Variants in C17orf58 observed in about 807,000 individuals in gnomAD.
C17orf58 encodes chromosome 17 open reading frame 58, also known as UPF0450 protein C17orf58.
In C17orf58, 5 loss-of-function variants were observed where a neutral mutation model predicts 7.4. The ratio of observed to expected loss-of-function variants is 0.67; its 90% confidence interval spans 0.35 to 1.42. The LOEUF is 1.42. C17orf58 is among the 40% of genes most tolerant of loss of function. C17orf58 has a pLI of 0.04. For synonymous variants in C17orf58, 60 were observed against 70.6 expected (o/e 0.85, Z 0.75); for missense variants, 162 against 174.2 (o/e 0.93, Z 0.40).
At chr17:67,996,097 A>G in intron 1 of C17orf58, 26 bp downstream of exon 1, 1 of 376,520 alleles carries the variant, frequency 2.7e-6, no homozygotes, top group South Asian at 1.3e-4. Context: ...CTCCGCTCCC[A>G]GGGCCCCGCA....
Position 67,993,080 on chromosome 17 carries a change from A to G in C17orf58, c.793T>C (p.Ser265Pro). ...TCTGGACACGGCTTATTGCAGCTGG[A>G]GGAGTCCAGGGCTAACATGTGGACT... ...FRVHMLALDS[S>P]SCNKPCPEFK... Residue 265 changes from serine to proline, a missense_variant, in exon 3 of 4, where the codon TCC becomes CCC. By Grantham distance (74) the Ser-to-Pro change is moderately conservative. This residue lies in a region of C17orf58 where 93 missense variants were observed against 90.4 expected (regional missense o/e 1.03). Coordinates refer to ENST00000580729, the MANE Select transcript of C17orf58 (RefSeq NM_001382359.1). The surrounding 1 kb of genome is among the most constrained non-coding windows in gnomAD (Gnocchi z 5.1). The G allele has an allele frequency of 6.2e-7, 1 of 1,614,128 alleles. No homozygotes were observed. The highest frequency in any genetic ancestry group is 8.5e-7 in the Non-Finnish European group (1 of 1,180,012).
rs552213460 is a variant in C17orf58, at chr17:67,992,888, G to A, written c.829+156C>T. On this transcript the variant is annotated intron_variant, in intron 3 of 3. Transcript: ENST00000580729. ...CTGACAGGGCTTAAATCACAGAGTG[G>A]CCGGAATAATACCTGTCGTCTAAAT... The A allele has an allele frequency of 4.3e-5, 69 of 1,611,922 alleles. No individual in the cohort carries two copies. In the South Asian group the frequency reaches 5.5e-4, roughly 13 times the overall value.
At chr17:67,994,487 CGTGTGCGTGT>C (rs1289287248) in intron 1 of C17orf58, among the ~76,000 whole-genome samples, 5 of 42,702 alleles carry the variant, frequency 1.2e-4, no homozygotes, top group African/African-American at 3.2e-4. Context: ...TGTATGTGTG[CGTGTGCGTGT>C]GTGTGTGTGT....
At chr17:67,992,440 T>C (rs2070842304) in intron 3 of C17orf58, among the ~76,000 whole-genome samples, 1 of 151,878 alleles carries the variant, frequency 6.6e-6, no homozygotes, top group Non-Finnish European at 1.5e-5. Context: ...TGGTGGCGCA[T>C]GCCTGTAACC....
Position 67,991,860 on chromosome 17 carries a change from C to G in C17orf58, c.*53G>C. 1 of 1,486,648 alleles carries G rather than the reference C, an allele frequency of 6.7e-7. No homozygotes were observed. Among genetic ancestry groups the G allele is most frequent in the Non-Finnish European group, 9.1e-7 (1 of 1,095,282 alleles). The allele number at this position is 1,486,648 out of a possible 1,614,324, so 92.1% of individuals were successfully genotyped here. Reference sequence around the variant, plus strand: ...TTACATGAAGGTAGACCTTTCATGTCTTGTTGCCGACGTCCAAGTCTCTTG... The same window carrying G: ...TTACATGAAGGTAGACCTTTCATGTGTTGTTGCCGACGTCCAAGTCTCTTG... On this transcript the variant is annotated 3_prime_UTR_variant, in exon 4 of 4. Coordinates refer to ENST00000580729, the MANE Select transcript of C17orf58 (RefSeq NM_001382359.1).
In C17orf58 at chr17:67,993,164, G is replaced by A. The variant is rs368917203; in HGVS notation, c.709C>T (p.Arg237Trp). The A allele has an allele frequency of 1.9e-6, 3 of 1,613,216 alleles. No individual in the cohort carries two copies. Among genetic ancestry groups the A allele is most frequent in the African/African-American group, 2.7e-5 (2 of 74,906 alleles). The change falls in exon 3 of 4, where the codon CGG becomes TGG. Residue 237 changes from arginine (R) to tryptophan (W), a missense_variant. Coordinates refer to ENST00000580729, the MANE Select transcript of C17orf58 (RefSeq NM_001382359.1). This position sits in a 1 kb window ranked among gnomAD's most constrained non-coding sequence, Gnocchi z 5.1. ...CGGTTCATCTTGTACAGCCCGTCCC[G>A]ATCCACCAGCAGGGTCACCAGCCGG... ...GIRLVTLLVD[R>W]DGLYKMNRLY...
intron 3 of C17orf58, chr17:67,992,752 T>A: frequency 9.2e-7 from 1 of 1,082,804 alleles, no homozygotes; most frequent in Non-Finnish European, 1.3e-6. Flanking sequence ...CTCGGTTCTG[T>A]ACAGTCCCTT....
rs563790499 is a variant in C17orf58, at chr17:67,991,372, G to C, written c.*541C>G. The C allele has an allele frequency of 8.0e-5, 10 of 124,332 alleles. No individual in the cohort carries two copies. Among genetic ancestry groups the C allele is most frequent in the African/African-American group, 2.6e-4 (10 of 38,452 alleles). 7.7% of individuals were successfully genotyped at this position (124,332 alleles called of 1,614,324 possible). ...CACCCATCTGCACACTGGCCCTTTA[G>C]TACTCTTTAAGTATAAAACTTTAAT... On this transcript the variant is annotated 3_prime_UTR_variant, in exon 4 of 4. Coordinates refer to ENST00000580729, the MANE Select transcript of C17orf58 (RefSeq NM_001382359.1).
In C17orf58 at chr17:67,993,794, G is replaced by C. The variant is rs2070865231; in HGVS notation, c.267C>G (p.Ser89Arg). The part of the protein sequence containing the change: ...KPPPPADNQA[S>R]FREAARAPAG... ...CGGGCGCGCGTGCGGCCTCCCGGAA[G>C]CTGGCCTGGTTGTCGGCCGGCGGTG... The change falls in exon 2 of 4, where the codon AGC (serine) becomes AGG (arginine). Residue 89 changes from serine (S) to arginine (R), a missense_variant. Ser to Arg is a moderately radical substitution (Grantham distance 110). Coordinates refer to ENST00000580729, the MANE Select transcript of C17orf58 (RefSeq NM_001382359.1). The surrounding 1 kb of genome is among the most constrained non-coding windows in gnomAD (Gnocchi z 5.1). 8.5e-6 allele frequency: 2 copies of C among 234,548 alleles called. No homozygotes were observed. 14.5% of individuals were successfully genotyped at this position (234,548 alleles called of 1,614,324 possible).
chr17:67,994,510 G>GTA (rs1291189426), intron 1 of C17orf58, among the ~76,000 whole-genome samples: 16 of 71,514 alleles, frequency 2.2e-4, no homozygotes, highest in African/African-American at 3.3e-4. Flanking sequence ...GTGTGTGTGT[G>GTA]TGTGTGTATA....
chr17:67,995,374 A>T (rs1382196955), intron 1 of C17orf58, among the ~76,000 whole-genome samples: 3 of 152,178 alleles, frequency 2.0e-5, no homozygotes, highest in African/African-American at 7.2e-5. Context: ...CATGGGAAAG[A>T]TTGTCTGATA....
chr17:67,993,044 C>G lies in C17orf58; in HGVS notation c.829G>C (p.Gly277Arg). The G allele has an allele frequency of 1.2e-6, 2 of 1,614,158 alleles. No individual in the cohort carries two copies. The highest frequency in any genetic ancestry group is 1.7e-6 in the Non-Finnish European group (2 of 1,180,020). ...CNKPCPEFKP[G>R]SRYIVMGHIY... Reference sequence around the variant, plus strand: ...GCGTCATTCAGGTCAGTTTCAATACCAGGTTTAAACTCTGGACACGGCTTA... The same window carrying G: ...GCGTCATTCAGGTCAGTTTCAATACGAGGTTTAAACTCTGGACACGGCTTA... Residue 277 changes from glycine (G) to arginine (R), a missense_variant and splice_region_variant, in exon 3 of 4, where the codon GGC becomes CGC. Transcript: ENST00000580729. The surrounding 1 kb of genome is among the most constrained non-coding windows in gnomAD (Gnocchi z 5.1).
chr17:67,992,781 C>T, intron 3 of C17orf58: 10 of 1,263,416 alleles, frequency 7.9e-6, no homozygotes, highest in African/African-American at 1.5e-5. Flanking sequence ...GGTGTTTGGT[C>T]GTCCACCCCA....
rs557842920 is a variant in C17orf58, at chr17:67,995,675, C to T, written c.76+448G>A. On this transcript the variant is annotated intron_variant, in intron 1 of 3. Transcript: ENST00000580729. ...GGGGCTGCGGGGAGAGCAAAGTGCC[C>T]GGGGCTGCCGGATTTCGGCCCCGCT... is the stretch of plus-strand genomic sequence containing the variant. 2.6e-5 allele frequency among the ~76,000 whole-genome samples: 4 copies of T among 152,320 alleles called. No individual in the cohort carries two copies. The East Asian group carries it at 5.8e-4, about 22-fold the overall frequency.
chr17:67,992,546 C>T (rs1448015101), intron 3 of C17orf58, among the ~76,000 whole-genome samples: 2 of 114,736 alleles, frequency 1.7e-5, no homozygotes, highest in Admixed American at 2.6e-4. Context: ...CCAGCCTGGG[C>T]GACAGGGCAA....
In C17orf58 at chr17:67,992,046, G is replaced by A. The variant is rs782330441; in HGVS notation, c.887C>T (p.Ala296Val). The A allele has an allele frequency of 1.2e-6, 2 of 1,611,226 alleles. No individual in the cohort carries two copies. The highest frequency in any genetic ancestry group is 3.3e-5 in the Admixed American group (2 of 59,718). Reference sequence around the variant, plus strand: ...GCGGCCTCTCAGGACCTGGAGCAGAGCTGTAGGGAGCTGCCGTCTCTTATG... The same window carrying A: ...GCGGCCTCTCAGGACCTGGAGCAGAACTGTAGGGAGCTGCCGTCTCTTATG... ...IYHKRRQLPT[A>V]LLQVLRGRLR... The change falls in exon 4 of 4, where the codon GCT (alanine) becomes GTT (valine). Residue 296 changes from alanine (A) to valine (V), a missense_variant. Ala to Val is a moderately conservative substitution (Grantham distance 64, BLOSUM62 0). Coordinates refer to ENST00000580729, the MANE Select transcript of C17orf58 (RefSeq NM_001382359.1).
In C17orf58 at chr17:67,994,504, G is replaced by GTATATA. The variant is rs1430500248; in HGVS notation, c.77-521_77-520insTATATA. ...TATGTGTGCGTGTGCGTGTGTGTGTGTGTGTGTGTGTGTATATATATATAT... is the reference window on the plus strand; with the variant it reads ...TATGTGTGCGTGTGCGTGTGTGTGTGTATATATGTGTGTGTGTGTATATATATATAT... On this transcript the variant is annotated intron_variant, in intron 1 of 3. Transcript: ENST00000580729. Among the ~76,000 whole-genome samples the GTATATA allele has an allele frequency of 1.9e-4, 3 of 15,520 alleles. No homozygotes were observed. In the South Asian group the frequency reaches 0.014, roughly 74 times the overall value. The allele number at this position is 15,520 out of a possible 152,430, so 10.2% of individuals were successfully genotyped here. A position where few individuals can be genotyped will look rare whatever the true frequency, so the allele number is the denominator to read the frequency against.
intron 1 of C17orf58, among the ~76,000 whole-genome samples, chr17:67,994,842 G>A (rs1308837211): frequency 6.6e-6 from 1 of 152,038 alleles, no homozygotes; most frequent in Non-Finnish European, 1.5e-5. Context: ...AAAAGCACAC[G>A]TCGCTTACAT....
rs1335156051 is a variant in C17orf58 at position 67,993,398 on chromosome 17, G to GGCGGCGGC, written c.637+18_637+25dup. 65 of 578,824 alleles carry GGCGGCGGC rather than the reference G, an allele frequency of 1.1e-4. No homozygotes were observed. Among genetic ancestry groups the GGCGGCGGC allele is most frequent in the Admixed American group, 6.1e-4 (18 of 29,574 alleles). The allele number at this position is 578,824 out of a possible 1,614,324, so 35.9% of individuals were successfully genotyped here. On this transcript the variant is annotated intron_variant, in intron 2 of 3. Coordinates refer to ENST00000580729, the MANE Select transcript of C17orf58 (RefSeq NM_001382359.1). This position sits in a 1 kb window ranked among gnomAD's most constrained non-coding sequence, Gnocchi z 5.1. ...CTCGGAAAGGCTCGCGGGGCGGCGG[G>GGCGGCGGC]GCGGCGGCGCGGCGGCCGGGCTCAC...
Sources: gnomAD v4.1 joint callset for allele counts (sites outside exome capture counted in the v4.1 genomes callset) on GRCh38, gnomAD v4.1.1 for gene constraint, gnomAD v4.1.1 regional missense constraint, Gnocchi (gnomAD v3.1) non-coding constraint, MANE v1.5 for transcripts, NCBI Gene and HGNC (gene_info 2026-07-23, HGNC 2026-07-21) for gene names.